DOCK3: variants seen among roughly 807,000 people sequenced by gnomAD.
The protein encoded by DOCK3 is dedicator of cytokinesis protein 3.
A neutral mutation model predicts 265.6 loss-of-function variants in DOCK3; 60 were observed. The ratio of observed to expected loss-of-function variants is 0.23; its 90% CI spans 0.18 to 0.28. DOCK3 has a LOEUF of 0.28. DOCK3 is among the 10% of genes least tolerant of loss of function. The probability of loss-of-function intolerance (pLI) is 1.00; values close to 1 mark genes in which losing one functional copy is unlikely to be tolerated. For missense variants in DOCK3, 1,981 were observed against 2,594.3 expected, an observed-to-expected ratio of 0.76 and a Z score of 5.14; for synonymous variants, 881 against 938.0, an observed-to-expected ratio of 0.94 and a Z score of 1.11.
chr3:50,731,225 C>A (rs1026146615), intron 1 of DOCK3, among the ~76,000 whole-genome samples: 2 of 151,988 alleles, frequency 1.3e-5, no homozygotes, highest in Non-Finnish European at 2.9e-5. Context: ...GGATAATACA[C>A]CACAACCAGT....
At chr3:50,976,768 G>A (rs1386613934) in intron 5 of DOCK3, among the ~76,000 whole-genome samples, 2 of 149,276 alleles carry the variant, frequency 1.3e-5, no homozygotes, top group East Asian at 2.0e-4. Context: ...TTATTAATGT[G>A]TGGGAGTCTA....
chr3:51,288,909 T>G (rs534249166), intron 27 of DOCK3, among the ~76,000 whole-genome samples: 38 of 150,130 alleles, frequency 2.5e-4, no homozygotes, highest in East Asian at 9.7e-4. Context: ...TGTGGGTGTG[T>G]GTGTGTGTGT....
rs1443647287 is a variant in DOCK3 at position 51,043,533 on chromosome 3, T to C, written c.316-20915T>C. On this transcript the variant is annotated intron_variant, in intron 5 of 52. Transcript: ENST00000266037. ...TTCAGAATATAGGCACAGGCAAAGA[T>C]TTCATGACAAAGACACCAAAAGCAA... Among the ~76,000 whole-genome samples the C allele has an allele frequency of 2.6e-5, 4 of 152,000 alleles. No homozygotes were observed. In the East Asian group the frequency reaches 7.7e-4, roughly 29 times the overall value.
At chr3:50,689,122 C>T (rs138784994) in intron 1 of DOCK3, among the ~76,000 whole-genome samples, 106 of 152,312 alleles carry the variant, frequency 7.0e-4, no homozygotes, top group African/African-American at 2.5e-3. Flanking sequence ...TGTCACTTGC[C>T]ACTCACTGAT....
At chr3:51,239,274 A>G (rs371958477) in intron 21 of DOCK3, among the ~76,000 whole-genome samples, 141 of 151,800 alleles carry the variant, frequency 9.3e-4, no homozygotes, top group African/African-American at 3.3e-3. Context: ...GAGTGGCGCA[A>G]TCTTGGCTCA....
Position 51,262,813 on chromosome 3 carries a change from G to T in DOCK3, c.2355+2487G>T, listed in dbSNP as rs142883196. On this transcript the variant is annotated intron_variant, in intron 23 of 52. Transcript: ENST00000266037. ...GCCAAACTGATCAAGTGGAAGAAAG[G>T]ATATCAGAGATTGAAGATCAACTTA... is the stretch of plus-strand genomic sequence containing the variant. Among the ~76,000 whole-genome samples the T allele has an allele frequency of 1.6e-3, 244 of 152,240 alleles. 1 individual carries two copies. The highest frequency in any genetic ancestry group is 6.8e-3 in the Middle Eastern group (2 of 294).
intron 1 of DOCK3, among the ~76,000 whole-genome samples, chr3:50,728,904 G>T (rs2038006524): frequency 2.0e-3 from 1 of 492 alleles, no homozygotes; most frequent in Non-Finnish European, 3.7e-3. Flanking sequence ...TATATTTTTA[G>T]TGGAGATGGG....
intron 5 of DOCK3, among the ~76,000 whole-genome samples, chr3:50,974,268 T>G (rs904004570): frequency 5.3e-5 from 8 of 151,790 alleles, no homozygotes; most frequent in African/African-American, 1.9e-4. Flanking sequence ...TTTTTATGGT[T>G]TTAGGTCTAA....
intron 5 of DOCK3, among the ~76,000 whole-genome samples, chr3:51,063,169 A>G (rs2081477805): frequency 1.3e-5 from 2 of 151,990 alleles, no homozygotes; most frequent in South Asian, 4.1e-4. Context: ...GATTACTTGG[A>G]CCTGAGAGTT....
chr3:50,828,748 C>G (rs1348746951), intron 2 of DOCK3, among the ~76,000 whole-genome samples: 1 of 150,270 alleles, frequency 6.7e-6, no homozygotes, highest in Non-Finnish European at 1.5e-5. Flanking sequence ...GAGTCTCACT[C>G]TGTCGCCCAG....
chr3:51,378,459 C>A (rs2088323498), intron 51 of DOCK3, among the ~76,000 whole-genome samples: 1 of 152,190 alleles, frequency 6.6e-6, no homozygotes, highest in Non-Finnish European at 1.5e-5. Flanking sequence ...CTGAAATTCC[C>A]ATCTCTGTGT....
intron 5 of DOCK3, among the ~76,000 whole-genome samples, chr3:51,057,091 A>G (rs1358892831): frequency 2.0e-5 from 3 of 152,252 alleles, no homozygotes; most frequent in African/African-American, 7.2e-5. Flanking sequence ...TTGCTCATTT[A>G]CTGACTTAGA....
chr3:51,070,587 A>G (rs78702306), intron 6 of DOCK3, among the ~76,000 whole-genome samples: 2 of 152,230 alleles, frequency 1.3e-5, no homozygotes, highest in Non-Finnish European at 2.9e-5. Flanking sequence ...ATATATTTTT[A>G]TATGTTATAT....
intron 5 of DOCK3, among the ~76,000 whole-genome samples, chr3:50,955,398 A>G (rs1211092508): frequency 6.6e-6 from 1 of 152,180 alleles, no homozygotes; most frequent in Non-Finnish European, 1.5e-5. Context: ...TGTTCATTGC[A>G]GTGCCATTCA....
At position 51,361,681 on chromosome 3, in the gene DOCK3, T is replaced by A. The variant is rs2086743797; in HGVS notation, c.5007-178T>A. On this transcript the variant is annotated intron_variant, in intron 47 of 52. Transcript: ENST00000266037. The surrounding 1 kb of genome is among the most constrained non-coding windows in gnomAD (Gnocchi z 4.2). ...CTCTCCCAGACCAAGGGCTCCTGAG[T>A]AGCAGGGTACAGCTCAGGACTGCTC... 6.6e-6 allele frequency among the ~76,000 whole-genome samples: 1 copy of A among 152,066 alleles called. No individual in the cohort carries two copies. The highest frequency in any genetic ancestry group is 2.4e-5 in the African/African-American group (1 of 41,390).
intron 9 of DOCK3, among the ~76,000 whole-genome samples, chr3:51,100,425 G>A (rs2083037812): frequency 6.6e-6 from 1 of 152,196 alleles, no homozygotes; most frequent in African/African-American, 2.4e-5. Context: ...GGAACCTGGG[G>A]CAAGTATGGC....
At chr3:51,349,213 A>T (rs2085803917) in intron 39 of DOCK3, among the ~76,000 whole-genome samples, 2 of 152,226 alleles carry the variant, frequency 1.3e-5, no homozygotes, top group African/African-American at 4.8e-5. Flanking sequence ...AGGAGGTGGC[A>T]GCTCAACTTC....
chr3:50,715,018 A>G (rs765007392), intron 1 of DOCK3, among the ~76,000 whole-genome samples: 4 of 152,174 alleles, frequency 2.6e-5, no homozygotes, highest in Admixed American at 2.6e-4. Flanking sequence ...TGCACTCAAC[A>G]TATTTTATAA....
rs537928019 is a variant in DOCK3 at position 51,364,241 on chromosome 3, T to C, written c.5293+1567T>C. Among the ~76,000 whole-genome samples the C allele has an allele frequency of 1.7e-3, 257 of 152,364 alleles. 1 individual carries two copies. Among genetic ancestry groups the C allele is most frequent in the African/African-American group, 5.9e-3 (244 of 41,582 alleles). ...TTTGCATTTCTCTGATGGCCAGTGA[T>C]GATGAGCATTTTTTCATGTGTCTGT... On this transcript the variant is annotated intron_variant, in intron 49 of 52. Transcript: ENST00000266037.
Sources: gnomAD v4.1 joint callset for allele counts (sites outside exome capture counted in the v4.1 genomes callset) on GRCh38, gnomAD v4.1.1 for gene constraint, Gnocchi (gnomAD v3.1) non-coding constraint, MANE v1.5 for transcripts, NCBI Gene and HGNC (gene_info 2026-07-23, HGNC 2026-07-21) for gene names.